The following SLC44A5 variants were observed in gnomAD, a reference collection of about 807,000 sequenced individuals.
The protein encoded by SLC44A5 is solute carrier family 44 member 5.
SLC44A5 carries 57 observed loss-of-function variants against 101.8 expected under a neutral mutation model. That is an observed-to-expected ratio of 0.56 (90% CI 0.45 to 0.70). The LOEUF is 0.70. Among genes scored for constraint, SLC44A5 ranks in the 30% least tolerant of loss-of-function variants. The pLI is 0.00. For missense variants in SLC44A5, 737 were observed against 853.1 expected (o/e 0.86, Z 1.70); for synonymous variants, 281 against 290.9 (o/e 0.97, Z 0.35).
At chr1:75,659,809 T>C in the SLC44A5 span, among the ~76,000 whole-genome samples, 1 of 151,730 alleles carries the variant, frequency 6.6e-6, no homozygotes, top group Non-Finnish European at 1.5e-5. Context: ...TGAACATAGA[T>C]ACAAAAATCC....
intron 2 of SLC44A5, among the ~76,000 whole-genome samples, chr1:75,451,519 GA>G (rs1173404392): frequency 5.9e-5 from 9 of 151,472 alleles, no homozygotes; most frequent in Admixed American, 2.6e-4. Flanking sequence ...TATACAAAAA[GA>G]AAAAAATAAA....
intron 12 of SLC44A5, 54 bp downstream of exon 12, chr1:75,233,932 G>T: frequency 7.6e-7 from 1 of 1,310,340 alleles, no homozygotes; most frequent in Non-Finnish European, 1.1e-6. Flanking sequence ...AACAGCGATT[G>T]AAAATAAAAG....
intron 1 of SLC44A5, among the ~76,000 whole-genome samples, chr1:75,602,530 A>G (rs1675040078): frequency 6.6e-6 from 1 of 152,130 alleles, no homozygotes; most frequent in Non-Finnish European, 1.5e-5. Flanking sequence ...CCCTGGACAC[A>G]TCTATTTATG....
At chr1:75,586,817 CG>C (rs1019861931) in intron 1 of SLC44A5, among the ~76,000 whole-genome samples, 51 of 152,018 alleles carry the variant, frequency 3.4e-4, no homozygotes, top group African/African-American at 1.2e-3. Context: ...GGGCCTAGCA[CG>C]GTGCCTGCAG....
chr1:75,626,294 T>C, the SLC44A5 span, among the ~76,000 whole-genome samples: 4 of 152,176 alleles, frequency 2.6e-5, no homozygotes, highest in African/African-American at 9.6e-5. Context: ...GTTTAAGAGA[T>C]TCATAAGAAA....
At chr1:75,721,879 G>A in the SLC44A5 span, among the ~76,000 whole-genome samples, 1 of 152,092 alleles carries the variant, frequency 6.6e-6, no homozygotes, top group South Asian at 2.1e-4. Flanking sequence ...ATAGGATCCT[G>A]GTTCAAAAAC....
At chr1:75,663,157 G>C in the SLC44A5 span, among the ~76,000 whole-genome samples, 1 of 152,108 alleles carries the variant, frequency 6.6e-6, no homozygotes, top group African/African-American at 2.4e-5. Context: ...AGTTACTATG[G>C]ATTGAATGTT....
chr1:75,722,888 T>A, the SLC44A5 span, among the ~76,000 whole-genome samples: 6 of 152,230 alleles, frequency 3.9e-5, no homozygotes, highest in Non-Finnish European at 1.5e-5. Flanking sequence ...TTGGCCGTAA[T>A]AAAGAAATCA....
At chr1:75,373,680 T>A (rs923235789) in intron 3 of SLC44A5, among the ~76,000 whole-genome samples, 2 of 152,090 alleles carry the variant, frequency 1.3e-5, no homozygotes, top group Non-Finnish European at 2.9e-5. Context: ...CGCTGCCTTG[T>A]CCACCAGTCC....
chr1:75,244,082 C>T (rs1648898807), intron 7 of SLC44A5, among the ~76,000 whole-genome samples: 1 of 152,048 alleles, frequency 6.6e-6, no homozygotes, highest in Admixed American at 6.6e-5. Context: ...AATGCTGGCT[C>T]CATGTTTCTT....
rs183663855 is a variant in SLC44A5 at position 75,339,642 on chromosome 1, A to T, written c.53-12T>A. 1.2e-3 allele frequency: 1,878 copies of T among 1,604,926 alleles called. 17 individuals carry two copies. Among genetic ancestry groups the T allele is most frequent in the Admixed American group, 6.7e-3 (394 of 59,028 alleles). ...TGTCCTTGGATCACCTGCATTTAAA[A>T]CAAAGACATTTTAAGCATATAAGCC... On this transcript the variant is annotated splice_polypyrimidine_tract_variant and intron_variant, in intron 3 of 23. Coordinates refer to ENST00000370859, the MANE Select transcript of SLC44A5 (RefSeq NM_001130058.2).
chr1:75,474,096 T>C (rs912334424), intron 2 of SLC44A5, among the ~76,000 whole-genome samples: 2 of 152,202 alleles, frequency 1.3e-5, no homozygotes, highest in African/African-American at 4.8e-5. Context: ...TTAACACTGC[T>C]TCATTAAATT....
chr1:75,501,117 T>A (rs1668935999), intron 2 of SLC44A5, among the ~76,000 whole-genome samples: 1 of 152,152 alleles, frequency 6.6e-6, no homozygotes, highest in African/African-American at 2.4e-5. Flanking sequence ...TGTATTGATA[T>A]ATAAGATCAC....
intron 4 of SLC44A5, among the ~76,000 whole-genome samples, chr1:75,331,975 A>G (rs1348265801): frequency 6.6e-6 from 1 of 151,792 alleles, no homozygotes; most frequent in Non-Finnish European, 1.5e-5. Flanking sequence ...ACTCTGTTTT[A>G]CTCTCTTCCT....
At chr1:75,207,524 A>G (rs369398912) in intron 23 of SLC44A5, among the ~76,000 whole-genome samples, 12 of 152,274 alleles carry the variant, frequency 7.9e-5, no homozygotes, top group Middle Eastern at 3.4e-3. Context: ...CCGCAGATAT[A>G]TACAATTCAC....
chr1:75,723,952 C>A, the SLC44A5 span: 1 of 152,108 alleles, frequency 6.6e-6, no homozygotes, highest in Admixed American at 6.6e-5. Context: ...CATCTCAAAA[C>A]TCAGGGTCTC....
At chr1:75,361,920 G>T (rs576399769) in intron 3 of SLC44A5, among the ~76,000 whole-genome samples, 5 of 151,820 alleles carry the variant, frequency 3.3e-5, no homozygotes, top group African/African-American at 1.2e-4. Context: ...TGAAGAATCA[G>T]TATTAGTTTT....
chr1:75,495,695 GC>G (rs1403772685), intron 2 of SLC44A5, among the ~76,000 whole-genome samples: 1 of 151,382 alleles, frequency 6.6e-6, no homozygotes, highest in East Asian at 1.9e-4. Context: ...AGTCAAAAAA[GC>G]AAAAAGAAAA....
At chr1:75,251,423 C>T (rs1649563912) in intron 6 of SLC44A5, 129 bp from the exon 7 acceptor site, 2 of 650,598 alleles carry the variant, frequency 3.1e-6, no homozygotes, top group East Asian at 5.7e-5. Context: ...GAAATATATT[C>T]TCCCTCTCCC....
Sources: allele counts gnomAD v4.1 joint callset (sites outside exome capture counted in the v4.1 genomes callset), GRCh38; gene constraint gnomAD v4.1.1; transcripts MANE v1.5; gene names NCBI Gene and HGNC (gene_info 2026-07-23, HGNC 2026-07-21).